Variants in DHDDS observed in about 807,000 individuals in gnomAD.
DHDDS encodes dehydrodolichyl diphosphate synthase complex subunit DHDDS.
A neutral mutation model predicts 46.2 loss-of-function variants in DHDDS; 16 were observed. The ratio of observed to expected loss-of-function variants is 0.35; its 90% CI spans 0.23 to 0.53. The LOEUF is 0.53. Ranked by LOEUF, DHDDS falls within the 20% of genes least tolerant of loss-of-function variation. The pLI is 0.94. For missense variants in DHDDS, 340 were observed against 423.7 expected, an observed-to-expected ratio of 0.80 and a Z score of 1.73; for synonymous variants, 151 against 163.1, an observed-to-expected ratio of 0.93 and a Z score of 0.56.
intron 6 of DHDDS, among the ~76,000 whole-genome samples, chr1:26,450,115 C>T (rs533619135): frequency 6.6e-6 from 1 of 152,182 alleles, no homozygotes; most frequent in South Asian, 2.1e-4. Flanking sequence ...TTAACTTGAG[C>T]AAAGAGGGGA....
At chr1:26,438,689 G>C in intron 3 of DHDDS, 2 of 225,094 alleles carry the variant, frequency 8.9e-6, no homozygotes, top group South Asian at 1.2e-4. Flanking sequence ...TTGTGCCCCT[G>C]TACTCTAGCC....
chr1:26,444,308 G>C (rs1222141012), intron 4 of DHDDS, among the ~76,000 whole-genome samples: 2 of 152,184 alleles, frequency 1.3e-5, no homozygotes, highest in Non-Finnish European at 1.5e-5. Flanking sequence ...GGGGTAGGGG[G>C]TGCTGAGTTG....
Position 26,461,383 on chromosome 1 carries a change from CT to C in DHDDS, c.765+1258del, listed in dbSNP as rs71581068. On this transcript the variant is annotated intron_variant, in intron 8 of 8. Coordinates refer to ENST00000236342, the MANE Select transcript of DHDDS (RefSeq NM_205861.3). ...ACTTATCATGGAAACACATAGAATA[CT>C]TTTTTTTTTTTTTTTTTTGAGACGG... Among the ~76,000 whole-genome samples the C allele has an allele frequency of 7.2e-3, 978 of 136,460 alleles. 4 individuals carry two copies. The highest frequency in any genetic ancestry group is 0.032 in the South Asian group (137 of 4,256). 89.5% of individuals were successfully genotyped at this position (136,460 alleles called of 152,430 possible).
At chr1:26,457,959 C>A in intron 7 of DHDDS, 54 bp downstream of exon 7, 1 of 1,486,956 alleles carries the variant, frequency 6.7e-7, no homozygotes, top group Non-Finnish European at 9.4e-7. Context: ...CCAACTGTAT[C>A]CACAGAATGG....
At chr1:26,450,241 G>A (rs1229360805) in intron 6 of DHDDS, among the ~76,000 whole-genome samples, 1 of 152,142 alleles carries the variant, frequency 6.6e-6, no homozygotes, top group Non-Finnish European at 1.5e-5. Context: ...CTGAAGCTTG[G>A]AACTCCTGGT....
At chr1:26,464,140 G>A (rs1314112084) in intron 8 of DHDDS, among the ~76,000 whole-genome samples, 4 of 151,562 alleles carry the variant, frequency 2.6e-5, no homozygotes, top group Non-Finnish European at 4.4e-5. Flanking sequence ...CTACAGGCAC[G>A]TGCCACCACG....
chr1:26,433,529 G>A (rs2075123619), intron 2 of DHDDS, among the ~76,000 whole-genome samples: 1 of 151,928 alleles, frequency 6.6e-6, no homozygotes. Flanking sequence ...TGCACCTGTA[G>A]TCCCAGCTAC....
rs573311409 is a variant in DHDDS, at chr1:26,469,868, C to A, written c.*737C>A. On this transcript the variant is annotated 3_prime_UTR_variant, in exon 9 of 9. Transcript: ENST00000236342. ...GGCTCCACTCCCAAATGAGACTGGC[C>A]CCCTCCATGGTTCAGGGTAACAGAA... is the stretch of plus-strand genomic sequence containing the variant. The A allele has an allele frequency of 2.3e-4, 36 of 156,974 alleles. No individual in the cohort carries two copies. The highest frequency in any genetic ancestry group is 9.2e-4 in the Admixed American group (15 of 16,366). 9.7% of individuals were successfully genotyped at this position (156,974 alleles called of 1,614,324 possible).
intron 3 of DHDDS, among the ~76,000 whole-genome samples, chr1:26,441,346 G>A (rs371160328): frequency 1.4e-4 from 21 of 151,974 alleles, no homozygotes; most frequent in African/African-American, 4.8e-4. Context: ...ATACAGGTGT[G>A]CGCCACCGCA....
chr1:26,432,516 G>A (rs948646676), intron 1 of DHDDS, 140 bp downstream of exon 1: 3 of 248,340 alleles, frequency 1.2e-5, no homozygotes, highest in Non-Finnish European at 2.4e-5. Context: ...GATAACTGAA[G>A]GAGTTAGTAA....
At chr1:26,435,835 G>A (rs931962495) in intron 2 of DHDDS, among the ~76,000 whole-genome samples, 11 of 151,772 alleles carry the variant, frequency 7.2e-5, no homozygotes, top group Non-Finnish European at 1.3e-4. Flanking sequence ...GCCTGGTCTT[G>A]AATTCCTGAC....
At chr1:26,460,699 T>A (rs1034810499) in intron 8 of DHDDS, among the ~76,000 whole-genome samples, 1 of 152,188 alleles carries the variant, frequency 6.6e-6, no homozygotes, top group African/African-American at 2.4e-5. Context: ...CTCTTTATAA[T>A]AATGGTAGTG....
At chr1:26,446,642 CAT>C (rs1048845898) in intron 5 of DHDDS, among the ~76,000 whole-genome samples, 11 of 152,072 alleles carry the variant, frequency 7.2e-5, no homozygotes, top group Non-Finnish European at 1.0e-4. Context: ...GACACATACA[CAT>C]AGTTTCTCTT....
chr1:26,438,272 C>G lies in DHDDS; in HGVS notation c.168C>G (p.Asn56Lys). 1 of 1,613,994 alleles carries G rather than the reference C, an allele frequency of 6.2e-7. No homozygotes were observed. Among genetic ancestry groups the G allele is most frequent in the South Asian group, 1.1e-5 (1 of 91,060 alleles). The part of the protein sequence containing the change: ...ERQEGHSQGF[N>K]KLAETLRWCL... ...AGGAAGGCCACTCACAGGGCTTCAA[C>G]AAGCTAGCTGAGGTGGGTGTGTATG... Residue 56 changes from asparagine to lysine, a missense_variant, in exon 3 of 9, where the codon AAC becomes AAG. Around this residue, in one of 2 missense-constraint regions of DHDDS, gnomAD observed 72 missense variants for 123.5 expected, o/e 0.58. Transcript: ENST00000236342.
chr1:26,437,590 C>T (rs2075172946), intron 2 of DHDDS, among the ~76,000 whole-genome samples: 1 of 151,864 alleles, frequency 6.6e-6, no homozygotes, highest in South Asian at 2.1e-4. Context: ...CCTGCCTCAG[C>T]CTCCCGAGTA....
intron 6 of DHDDS, 43 bp downstream of exon 6, chr1:26,447,703 G>C: frequency 6.4e-7 from 1 of 1,559,022 alleles, no homozygotes. Context: ...AGGAAAACAG[G>C]CCTGGGCCAG....
intron 6 of DHDDS, chr1:26,454,825 T>C: frequency 1.3e-6 from 2 of 1,582,052 alleles, no homozygotes; most frequent in South Asian, 2.2e-5. Flanking sequence ...TCTTAGGTGC[T>C]TTGTTCACTT....
intron 6 of DHDDS, among the ~76,000 whole-genome samples, chr1:26,449,854 C>T (rs539423680): frequency 4.0e-4 from 61 of 152,308 alleles, no homozygotes; most frequent in African/African-American, 1.4e-3. Context: ...CCACCGCGCC[C>T]GGCGGTTTTA....
intron 3 of DHDDS, among the ~76,000 whole-genome samples, chr1:26,439,130 C>T (rs918425923): frequency 6.6e-6 from 1 of 152,088 alleles, no homozygotes; most frequent in Non-Finnish European, 1.5e-5. Context: ...GGGGTTTCAC[C>T]ATGTTGGCCA....
Sources: gnomAD v4.1 joint callset for allele counts (sites outside exome capture counted in the v4.1 genomes callset) on GRCh38, gnomAD v4.1.1 for gene constraint, gnomAD v4.1.1 regional missense constraint, MANE v1.5 for transcripts, NCBI Gene and HGNC (gene_info 2026-07-23, HGNC 2026-07-21) for gene names.